RGS18: variants seen among roughly 807,000 people sequenced by gnomAD.
RGS18 encodes regulator of G protein signaling 18, also known as regulator of G-protein signaling 18.
A neutral mutation model predicts 27.6 loss-of-function variants in RGS18; 22 were observed. The ratio of observed to expected loss-of-function variants is 0.80; its 90% CI spans 0.57 to 1.14. The LOEUF is 1.14. Among genes scored for constraint, RGS18 ranks in the 50% most tolerant of loss-of-function variants. The pLI is 0.00. For synonymous variants in RGS18, 89 were observed against 84.6 expected, an observed-to-expected ratio of 1.05 and a Z score of -0.29; for missense variants, 299 against 269.6, an observed-to-expected ratio of 1.11 and a Z score of -0.76.
At chr1:192,183,539 G>A (rs975835313) in intron 4 of RGS18, among the ~76,000 whole-genome samples, 5 of 151,516 alleles carry the variant, frequency 3.3e-5, no homozygotes, top group Non-Finnish European at 7.4e-5. Context: ...TTCATAGAGA[G>A]TAAGAAGGAC....
Position 192,158,644 on chromosome 1 carries a change from A to C in RGS18, c.7A>C (p.Thr3Pro), listed in dbSNP as rs765386301. 27 of 1,559,844 alleles carry C rather than the reference A, an allele frequency of 1.7e-5. No homozygotes were observed. Among genetic ancestry groups the C allele is most frequent in the Non-Finnish European group, 2.2e-5 (26 of 1,160,908 alleles). Residue 3 changes from threonine to proline, a missense_variant, in exon 1 of 5, where the codon ACA becomes CCA. Physicochemically the swap from Thr to Pro is conservative, Grantham distance 38 (BLOSUM62 -1). Transcript: ENST00000367460. METTLLFFSQINM... is the reference protein window; with the variant it reads MEPTLLFFSQINM... ...TCTTCATTTTAGAGAGAAGATGGAA[A>C]CAACATTGCTTTTCTTTTCTCAAAT...
intron 3 of RGS18, among the ~76,000 whole-genome samples, chr1:192,176,368 G>T (rs1176682595): frequency 6.6e-6 from 1 of 151,612 alleles, no homozygotes; most frequent in African/African-American, 2.4e-5. Context: ...TCTTACTATG[G>T]TTAGCCTCCA....
chr1:192,159,555 C>T (rs1465753358), intron 2 of RGS18, among the ~76,000 whole-genome samples: 3 of 152,096 alleles, frequency 2.0e-5, no homozygotes, highest in African/African-American at 7.2e-5. Context: ...AAATTATATA[C>T]CTGTCAGTTT....
chr1:192,162,450 A>G lies in RGS18; in HGVS notation c.283+2011A>G, dbSNP rs185085683. Among the ~76,000 whole-genome samples, 308 of 152,244 alleles carry G rather than the reference A, an allele frequency of 2.0e-3. 1 individual carries two copies. Among genetic ancestry groups the G allele is most frequent in the African/African-American group, 7.1e-3 (295 of 41,544 alleles). On this transcript the variant is annotated intron_variant, in intron 3 of 4. Coordinates refer to ENST00000367460, the MANE Select transcript of RGS18 (RefSeq NM_130782.3). ...CAGCCTCTGGAGTAGCTGGGATTAC[A>G]GACACAGGCCACCACACCTGGCTAA...
At chr1:192,180,776 A>C (rs147439953) in intron 3 of RGS18, among the ~76,000 whole-genome samples, 1 of 151,716 alleles carries the variant, frequency 6.6e-6, no homozygotes, top group Non-Finnish European at 1.5e-5. Context: ...CCTTGTTCAT[A>C]CTCGGGCCTA....
At chr1:192,164,777 A>G (rs554428293) in intron 3 of RGS18, among the ~76,000 whole-genome samples, 2 of 152,296 alleles carry the variant, frequency 1.3e-5, no homozygotes, top group South Asian at 4.1e-4. Context: ...TTCCCCAATC[A>G]ATACTCTTAT....
In RGS18 at chr1:192,160,442, TA is replaced by T; in HGVS notation, c.283+4del. 1 of 1,602,368 alleles carries T rather than the reference TA, an allele frequency of 6.2e-7. No individual in the cohort carries two copies. On this transcript the variant is annotated splice_donor_region_variant and intron_variant, in intron 3 of 4. Coordinates refer to ENST00000367460, the MANE Select transcript of RGS18 (RefSeq NM_130782.3). Reference sequence around the variant, plus strand: ...TGACAAACTGCTTTCCCATAGAGGTTAGTGGTACTTTCACCAAATACTTTGT... The same window carrying T: ...TGACAAACTGCTTTCCCATAGAGGTTGTGGTACTTTCACCAAATACTTTGT...
intron 2 of RGS18, among the ~76,000 whole-genome samples, chr1:192,160,164 G>T (rs570344487): frequency 2.6e-5 from 4 of 151,942 alleles, no homozygotes; most frequent in Non-Finnish European, 2.9e-5. Flanking sequence ...AAAAAATAAT[G>T]TTATTTCAAC....
At chr1:192,160,257 A>G (rs1656047407) in intron 2 of RGS18, 121 bp from the exon 3 acceptor site, 1 of 468,458 alleles carries the variant, frequency 2.1e-6, no homozygotes. Flanking sequence ...TCATTATATT[A>G]TAATCAAAGG....
intron 3 of RGS18, chr1:192,167,983 C>A (rs1002351871): frequency 6.6e-6 from 1 of 152,140 alleles, no homozygotes; most frequent in Non-Finnish European, 1.5e-5. Flanking sequence ...CCAACAGATG[C>A]CAGAGTTTCA....
At chr1:192,162,368 G>A (rs959305492) in intron 3 of RGS18, among the ~76,000 whole-genome samples, 1 of 152,012 alleles carries the variant, frequency 6.6e-6, no homozygotes, top group African/African-American at 2.4e-5. Flanking sequence ...GAGTGCACTG[G>A]CACAATCTCA....
rs993767738 is a variant in RGS18 at position 192,184,465 on chromosome 1, C to G, written c.619C>G (p.Gln207Glu). ...TTTAGACTTGATGGAAGGAAGACCT[C>G]AGAGACCAACAAATCTTAGGAGACG... ...IYLDLMEGRP[Q>E]RPTNLRRRSR... The change falls in exon 5 of 5, where the codon CAG becomes GAG. Residue 207 changes from glutamine to glutamate, a missense_variant. Gln to Glu is a conservative substitution (Grantham distance 29). Coordinates refer to ENST00000367460, the MANE Select transcript of RGS18 (RefSeq NM_130782.3). 12 of 1,611,540 alleles carry G rather than the reference C, an allele frequency of 7.4e-6. No individual in the cohort carries two copies. Among genetic ancestry groups the G allele is most frequent in the African/African-American group, 1.3e-5 (1 of 74,692 alleles).
intron 3 of RGS18, among the ~76,000 whole-genome samples, chr1:192,174,638 G>T (rs911783112): frequency 6.6e-6 from 1 of 151,738 alleles, no homozygotes; most frequent in South Asian, 2.1e-4. Context: ...GTAATAATTG[G>T]TCACTTAAAA....
rs1331845196 is a variant in RGS18 at position 192,185,615 on chromosome 1, T to C, written c.*1061T>C. 6.6e-6 allele frequency: 1 copy of C among 151,692 alleles called. No homozygotes were observed. Among genetic ancestry groups the C allele is most frequent in the Admixed American group, 6.6e-5 (1 of 15,210 alleles). 9.4% of individuals were successfully genotyped at this position (151,692 alleles called of 1,614,324 possible). A position where few individuals can be genotyped will look rare whatever the true frequency, so the allele number is the denominator to read the frequency against. ...TTATACTCATACATCTATATGTCACTGTTTTAAAGAGATATTTAATTTTTA... is the reference window on the plus strand; with the variant it reads ...TTATACTCATACATCTATATGTCACCGTTTTAAAGAGATATTTAATTTTTA... On this transcript the variant is annotated 3_prime_UTR_variant, in exon 5 of 5. Coordinates refer to ENST00000367460, the MANE Select transcript of RGS18 (RefSeq NM_130782.3).
chr1:192,159,708 C>G lies in RGS18; in HGVS notation c.221+387C>G, dbSNP rs58414687. Among the ~76,000 whole-genome samples the G allele has an allele frequency of 3.8e-3, 574 of 152,104 alleles. 2 individuals carry two copies. Among genetic ancestry groups the G allele is most frequent in the African/African-American group, 0.012 (516 of 41,522 alleles). On this transcript the variant is annotated intron_variant, in intron 2 of 4. Coordinates refer to ENST00000367460, the MANE Select transcript of RGS18 (RefSeq NM_130782.3). ...AACACACGCATTATAGCAAGTAAAGCACAAATAATGTCTTTTAATACTTAG... is the reference window on the plus strand; with the variant it reads ...AACACACGCATTATAGCAAGTAAAGGACAAATAATGTCTTTTAATACTTAG...
chr1:192,161,584 CT>C (rs149463441), intron 3 of RGS18: 207 of 145,892 alleles, frequency 1.4e-3, no homozygotes, highest in African/African-American at 2.1e-3. Flanking sequence ...AAGCCCACAG[CT>C]TTTTTTTTTT....
intron 3 of RGS18, among the ~76,000 whole-genome samples, chr1:192,174,409 G>A (rs1417204773): frequency 6.6e-6 from 1 of 151,690 alleles, no homozygotes; most frequent in African/African-American, 2.4e-5. Context: ...GATGTGTTTG[G>A]TAGATCATTT....
At chr1:192,181,594 T>A (rs1327407812) in intron 4 of RGS18, 136 bp downstream of exon 4, 5 of 567,308 alleles carry the variant, frequency 8.8e-6, no homozygotes, top group Non-Finnish European at 1.4e-5. Flanking sequence ...TAATTACACA[T>A]GTTAATGACA....
In RGS18 at chr1:192,160,333, G is replaced by A. The variant is rs1656048179; in HGVS notation, c.222-45G>A. ...ATATGTTAGAACAGATTCATAAACA[G>A]ACTTTCTGCACACTCCATTATAAAA... is the stretch of plus-strand genomic sequence containing the variant. On this transcript the variant is annotated intron_variant, in intron 2 of 4. Coordinates refer to ENST00000367460, the MANE Select transcript of RGS18 (RefSeq NM_130782.3). 2.3e-6 allele frequency: 3 copies of A among 1,299,222 alleles called. No homozygotes were observed. In the African/African-American group the frequency reaches 4.3e-5, roughly 19 times the overall value. The allele number at this position is 1,299,222 out of a possible 1,614,324, so 80.5% of individuals were successfully genotyped here.
Sources: gnomAD v4.1 joint callset for allele counts (sites outside exome capture counted in the v4.1 genomes callset) on GRCh38, gnomAD v4.1.1 for gene constraint, MANE v1.5 for transcripts, NCBI Gene and HGNC (gene_info 2026-07-23, HGNC 2026-07-21) for gene names.